TPTE2: variants seen among roughly 807,000 people sequenced by gnomAD.
The protein encoded by TPTE2 is phosphatidylinositol 3,4,5-trisphosphate 3-phosphatase TPTE2.
In TPTE2, 53 loss-of-function variants were observed where a neutral mutation model predicts 78.6. That is an observed-to-expected ratio of 0.67 (90% confidence interval 0.54 to 0.85). The LOEUF is 0.85. Among genes scored for constraint, TPTE2 ranks in the 40% least tolerant of loss-of-function variants. The probability of loss-of-function intolerance (pLI) is 0.00; values close to 1 mark genes in which losing one functional copy is unlikely to be tolerated. For synonymous variants in TPTE2, 175 were observed against 206.2 expected (o/e 0.85, Z 1.30); for missense variants, 461 against 623.0 (o/e 0.74, Z 2.77).
Position 19,535,210 on chromosome 13 carries a change from C to A in TPTE2, c.-44+1386G>T, listed in dbSNP as rs1202460108. On this transcript the variant is annotated intron_variant, in intron 1 of 17. Transcript: ENST00000390680. The surrounding 1 kb of genome is among the most constrained non-coding windows in gnomAD (Gnocchi z 5.1). ...AGAGTGAGATTCCTTCTCAAAAAAA[C>A]AAACAAACAAAAAAATATATATATA... 3.5e-5 allele frequency among the ~76,000 whole-genome samples: 2 copies of A among 57,932 alleles called. No homozygotes were observed. Among genetic ancestry groups the A allele is most frequent in the African/African-American group, 8.9e-5 (1 of 11,272 alleles). 38.0% of individuals were successfully genotyped at this position (57,932 alleles called of 152,430 possible). A position where few individuals can be genotyped will look rare whatever the true frequency, so the allele number is the denominator to read the frequency against.
At chr13:19,517,181 C>T (rs1869848609) in intron 1 of TPTE2, among the ~76,000 whole-genome samples, 1 of 152,170 alleles carries the variant, frequency 6.6e-6, no homozygotes, top group Non-Finnish European at 1.5e-5. Flanking sequence ...GTTCGGCTGC[C>T]AGAATAACAC....
chr13:19,550,716 T>C, the TPTE2 span, among the ~76,000 whole-genome samples: 1 of 152,214 alleles, frequency 6.6e-6, no homozygotes, highest in African/African-American at 2.4e-5. Context: ...TTCTAACCAC[T>C]ATGCTTCACT....
intron 13 of TPTE2, among the ~76,000 whole-genome samples, chr13:19,443,224 T>A (rs920625912): frequency 2.0e-5 from 3 of 151,848 alleles, no homozygotes; most frequent in Non-Finnish European, 4.4e-5. Flanking sequence ...TCCAGAAACA[T>A]GTTGGTTTAC....
At chr13:19,434,399 T>C (rs1876908723) in intron 15 of TPTE2, among the ~76,000 whole-genome samples, 1 of 152,192 alleles carries the variant, frequency 6.6e-6, no homozygotes, top group African/African-American at 2.4e-5. Flanking sequence ...GATGTGTGCA[T>C]GCACATAGTG....
intron 10 of TPTE2, chr13:19,458,576 G>A (rs1339595174): frequency 4.5e-6 from 2 of 442,744 alleles, no homozygotes; most frequent in Non-Finnish European, 9.1e-6. Context: ...CTCTGTGTAA[G>A]ATAATCCAAT....
At chr13:19,443,649 C>A (rs1393201568) in intron 13 of TPTE2, among the ~76,000 whole-genome samples, 2 of 151,980 alleles carry the variant, frequency 1.3e-5, no homozygotes, top group African/African-American at 2.4e-5. Flanking sequence ...AGTGATCTGA[C>A]CCCACTGGGC....
chr13:19,482,764 TA>T (rs1451540036), intron 3 of TPTE2, among the ~76,000 whole-genome samples: 1 of 151,674 alleles, frequency 6.6e-6, no homozygotes, highest in Non-Finnish European at 1.5e-5. Context: ...TAATTTTGCA[TA>T]TTTTTATCTT....
At chr13:19,484,453 T>C (rs980123112) in intron 3 of TPTE2, among the ~76,000 whole-genome samples, 1 of 152,188 alleles carries the variant, frequency 6.6e-6, no homozygotes, top group Non-Finnish European at 1.5e-5. Context: ...AGGTGAGATG[T>C]TCTGTATATG....
chr13:19,491,669 C>CA (rs1232329578), intron 3 of TPTE2, among the ~76,000 whole-genome samples: 6 of 151,868 alleles, frequency 4.0e-5, no homozygotes, highest in African/African-American at 1.2e-4. Flanking sequence ...ACCAAAAATA[C>CA]AAAAAATTAG....
intron 3 of TPTE2, among the ~76,000 whole-genome samples, chr13:19,491,058 CT>C (rs1566062531): frequency 6.6e-6 from 1 of 152,186 alleles, no homozygotes; most frequent in African/African-American, 2.4e-5. Flanking sequence ...AGAAATAAGA[CT>C]TTAGAAAACA....
At chr13:19,436,424 T>C in intron 14 of TPTE2, 118 bp from the exon 18 acceptor site, 1 of 1,015,792 alleles carries the variant, frequency 9.8e-7, no homozygotes. Flanking sequence ...TTTGTTTGTT[T>C]GTTTTTTTGG....
the TPTE2 span, among the ~76,000 whole-genome samples, chr13:19,555,170 T>A: frequency 2.6e-5 from 4 of 152,206 alleles, no homozygotes; most frequent in Non-Finnish European, 5.9e-5. Context: ...GTACTAGCCC[T>A]CATTTTATAG....
chr13:19,552,153 G>A, the TPTE2 span, among the ~76,000 whole-genome samples: 2 of 152,164 alleles, frequency 1.3e-5, no homozygotes, highest in Non-Finnish European at 2.9e-5. Context: ...CCTCATTAGT[G>A]CAATGGTTTT....
chr13:19,503,373 GTTAAGTT>G, upstream of TPTE2: 1 of 1,322,028 alleles, frequency 7.6e-7, no homozygotes, highest in Middle Eastern at 1.9e-4. Flanking sequence ...ACATAAACCA[GTTAAGTT>G]TTGACTATTC....
chr13:19,534,893 A>G (rs1211967154), intron 1 of TPTE2, among the ~76,000 whole-genome samples: 1 of 152,152 alleles, frequency 6.6e-6, no homozygotes, highest in African/African-American at 2.4e-5. Context: ...AGTAGTAACG[A>G]GGCAAGAATC....
At chr13:19,435,582 T>C (rs1375498133) in intron 15 of TPTE2, among the ~76,000 whole-genome samples, 3 of 152,166 alleles carry the variant, frequency 2.0e-5, no homozygotes, top group Non-Finnish European at 2.9e-5. Context: ...CATAACAAAA[T>C]GCTTCTAAAA....
chr13:19,529,255 TTGTC>T (rs2137740499), intron 1 of TPTE2, among the ~76,000 whole-genome samples: 1 of 152,278 alleles, frequency 6.6e-6, no homozygotes, highest in Non-Finnish European at 1.5e-5. Flanking sequence ...GCCCCTCTCA[TTGTC>T]TGGGCCCCTG....
chr13:19,539,166 A>G (rs1871368034), upstream of TPTE2, among the ~76,000 whole-genome samples: 2 of 152,134 alleles, frequency 1.3e-5, no homozygotes, highest in African/African-American at 4.8e-5. Context: ...TAAAGGCCCC[A>G]CCTCTCAATA....
At chr13:19,556,246 C>G in the TPTE2 span, among the ~76,000 whole-genome samples, 2 of 152,150 alleles carry the variant, frequency 1.3e-5, no homozygotes. Context: ...GGGGGTTGTT[C>G]TTTCAGCTTC....
Sources: gnomAD v4.1 joint callset for allele counts (sites outside exome capture counted in the v4.1 genomes callset) on GRCh38, gnomAD v4.1.1 for gene constraint, Gnocchi (gnomAD v3.1) non-coding constraint, MANE v1.5 for transcripts, NCBI Gene and HGNC (gene_info 2026-07-23, HGNC 2026-07-21) for gene names.